TSPAN18: variants seen among roughly 807,000 people sequenced by gnomAD.
TSPAN18 encodes the protein tetraspanin-18.
TSPAN18 carries 14 observed loss-of-function variants against 27.3 expected under a neutral mutation model. That is an observed-to-expected ratio of 0.51 (90% CI 0.34 to 0.80). TSPAN18 has a LOEUF of 0.80. TSPAN18 is among the 30% of genes least tolerant of loss of function. The pLI is 0.01. For synonymous variants in TSPAN18, 143 were observed against 136.5 expected (o/e 1.05, Z -0.33); for missense variants, 268 against 323.9 (o/e 0.83, Z 1.32).
chr11:44,731,670 G>A (rs984597643), intron 1 of TSPAN18, among the ~76,000 whole-genome samples: 20 of 148,776 alleles, frequency 1.3e-4, no homozygotes, highest in African/African-American at 4.9e-4. Context: ...CTGTCTTTGG[G>A]GTAGAAGGTA....
chr11:44,735,672 G>T (rs1013583507), intron 1 of TSPAN18, among the ~76,000 whole-genome samples: 2 of 150,486 alleles, frequency 1.3e-5, no homozygotes, highest in South Asian at 2.1e-4. Context: ...AGGCTGGAGC[G>T]CAGTGGCGAT....
chr11:44,759,367 C>A (rs1165790603), intron 1 of TSPAN18, among the ~76,000 whole-genome samples: 1 of 152,160 alleles, frequency 6.6e-6, no homozygotes, highest in Non-Finnish European at 1.5e-5. Context: ...ACGACGTGGT[C>A]TCTCCTCAGA....
chr11:44,736,022 A>G lies in TSPAN18; in HGVS notation c.-240+8735A>G, dbSNP rs138525064. ...ACACAGATCAACCCATAGAGGTGGT[A>G]GTATCATTGCTCTATTTACTGTCAA... On this transcript the variant is annotated intron_variant, in intron 1 of 9. Transcript: ENST00000520358. Among the ~76,000 whole-genome samples, 593 of 152,320 alleles carry G rather than the reference A, an allele frequency of 3.9e-3. 2 individuals carry two copies. Among genetic ancestry groups the G allele is most frequent in the African/African-American group, 0.013 (555 of 41,564 alleles).
At chr11:44,883,293 A>C (rs1858546356) in intron 3 of TSPAN18, among the ~76,000 whole-genome samples, 1 of 152,222 alleles carries the variant, frequency 6.6e-6, no homozygotes, top group African/African-American at 2.4e-5. Context: ...CAAAAGGACA[A>C]TACCTGAATC....
chr11:44,769,247 C>T (rs560250181), intron 2 of TSPAN18, among the ~76,000 whole-genome samples: 8 of 152,270 alleles, frequency 5.3e-5, no homozygotes, highest in African/African-American at 1.7e-4. Flanking sequence ...GAATAAATCT[C>T]ACCTGATCAT....
rs184120546 is a variant in TSPAN18 at position 44,730,780 on chromosome 11, C to T, written c.-240+3493C>T. On this transcript the variant is annotated intron_variant, in intron 1 of 9. Coordinates refer to ENST00000520358, the MANE Select transcript of TSPAN18 (RefSeq NM_130783.5). ...CTGGGATTACAGGTGTGTGCCACCA[C>T]ACCTGGCTAATTTTTTTTGAATTTT... Among the ~76,000 whole-genome samples, 22 of 152,172 alleles carry T rather than the reference C, an allele frequency of 1.4e-4. No homozygotes were observed. The East Asian group carries it at 3.7e-3, about 25-fold the overall frequency.
intron 2 of TSPAN18, among the ~76,000 whole-genome samples, chr11:44,804,103 CT>C (rs61368907): frequency 0.061 from 9,177 of 149,962 alleles, 347 homozygotes; most frequent in East Asian, 0.21. Context: ...TCTTTTTTTT[CT>C]TTTTTTTTTC....
At chr11:44,769,424 A>G (rs1443373327) in intron 2 of TSPAN18, among the ~76,000 whole-genome samples, 1 of 152,236 alleles carries the variant, frequency 6.6e-6, no homozygotes, top group Non-Finnish European at 1.5e-5. Context: ...TGAGTTAGGA[A>G]GTATTCTCTC....
At chr11:44,856,286 A>G (rs1857735670) in intron 2 of TSPAN18, among the ~76,000 whole-genome samples, 1 of 152,120 alleles carries the variant, frequency 6.6e-6, no homozygotes, top group African/African-American at 2.4e-5. Flanking sequence ...CTGGCATTCA[A>G]GGACCTTAAC....
chr11:44,917,886 G>A (rs1859970793), intron 5 of TSPAN18, 86 bp from the exon 6 acceptor site: 1 of 1,255,462 alleles, frequency 8.0e-7, no homozygotes, highest in Non-Finnish European at 1.2e-6. Context: ...CGTCACTGGT[G>A]TGACAGATGG....
At chr11:44,749,829 G>A (rs997558547) in intron 1 of TSPAN18, among the ~76,000 whole-genome samples, 1 of 151,996 alleles carries the variant, frequency 6.6e-6, no homozygotes, top group African/African-American at 2.4e-5. Flanking sequence ...GTAGAGACGG[G>A]GTTTCACCGT....
chr11:44,812,015 A>C (rs1285123136), intron 2 of TSPAN18, among the ~76,000 whole-genome samples: 1 of 152,176 alleles, frequency 6.6e-6, no homozygotes, highest in Non-Finnish European at 1.5e-5. Flanking sequence ...CTAGTGGTCG[A>C]CTTCGGTGGA....
At chr11:44,897,794 G>A (rs1249797603) in intron 3 of TSPAN18, 3 of 1,289,396 alleles carry the variant, frequency 2.3e-6, no homozygotes, top group Admixed American at 4.6e-5. Flanking sequence ...GCTGACGGGA[G>A]AGTCTGTCCT....
intron 2 of TSPAN18, among the ~76,000 whole-genome samples, chr11:44,821,396 T>G (rs1264964649): frequency 1.3e-5 from 2 of 152,214 alleles, no homozygotes; most frequent in African/African-American, 4.8e-5. Flanking sequence ...TGGTTGACTT[T>G]TAATTAGAAC....
At chr11:44,894,280 G>A (rs1167083632) in intron 3 of TSPAN18, among the ~76,000 whole-genome samples, 1 of 152,210 alleles carries the variant, frequency 6.6e-6, no homozygotes, top group Non-Finnish European at 1.5e-5. Flanking sequence ...CCCCACTGGT[G>A]GGAACGCAGT....
chr11:44,737,558 C>T (rs1854826573), intron 1 of TSPAN18, among the ~76,000 whole-genome samples: 1 of 152,234 alleles, frequency 6.6e-6, no homozygotes, highest in Admixed American at 6.5e-5. Context: ...GGCAAGTTAA[C>T]TCTAAAGTTC....
At chr11:44,739,454 C>A (rs1854877888) in intron 1 of TSPAN18, among the ~76,000 whole-genome samples, 1 of 152,142 alleles carries the variant, frequency 6.6e-6, no homozygotes, top group Admixed American at 6.5e-5. Flanking sequence ...GAAACCCTGT[C>A]TCTACTAAAA....
At chr11:44,800,915 C>T (rs966786340) in intron 2 of TSPAN18, among the ~76,000 whole-genome samples, 1 of 152,108 alleles carries the variant, frequency 6.6e-6, no homozygotes, top group Non-Finnish European at 1.5e-5. Context: ...TGCAGGGGCC[C>T]GCCTGGGCTG....
chr11:44,861,479 G>C (rs1278663965), intron 3 of TSPAN18, among the ~76,000 whole-genome samples: 7 of 146,770 alleles, frequency 4.8e-5, no homozygotes, highest in African/African-American at 1.5e-4. Flanking sequence ...TGCTGGGCGG[G>C]GGGTCGGTGG....
Sources: allele counts gnomAD v4.1 joint callset (sites outside exome capture counted in the v4.1 genomes callset), GRCh38; gene constraint gnomAD v4.1.1; transcripts MANE v1.5; gene names NCBI Gene and HGNC (gene_info 2026-07-23, HGNC 2026-07-21).